SPEF2: variants seen among roughly 807,000 people sequenced by gnomAD.
SPEF2 encodes sperm flagellar and cilia associated 2, also known as sperm flagella and cilia-associated protein 2.
A neutral mutation model predicts 224.6 loss-of-function variants in SPEF2; 187 were observed. The ratio of observed to expected loss-of-function variants is 0.83; its 90% CI spans 0.74 to 0.94. The LOEUF is 0.94. Among genes scored for constraint, SPEF2 ranks in the 40% least tolerant of loss-of-function variants. The pLI, the probability that SPEF2 is intolerant of heterozygous loss-of-function variation, is 0.00. For missense variants in SPEF2, 2,170 were observed against 2,135.6 expected (o/e 1.02, Z -0.32); for synonymous variants, 715 against 707.3 (o/e 1.01, Z -0.17).
At position 35,691,243 on chromosome 5, in the gene SPEF2, G is replaced by T. The variant is rs748289000; in HGVS notation, c.1731G>T (p.Arg577Ser). The T allele has an allele frequency of 1.9e-6, 3 of 1,613,512 alleles. No individual in the cohort carries two copies. In the Admixed American group the frequency reaches 5.0e-5, roughly 27 times the overall value. The change falls in exon 11 of 37, where the codon AGG becomes AGT. Residue 577 changes from arginine to serine, a missense_variant. Arg to Ser is a moderately radical substitution (Grantham distance 110). Transcript: ENST00000356031. ...TAAGTGGAAAAACTACCATTTTAAG[G>T]TCTCTACAAAAAGGTAGAATTTCTT... Reference protein sequence around the residue: ...KTLSGKTTILRSLQKDFPIQI... With the variant: ...KTLSGKTTILSSLQKDFPIQI...
chr5:35,807,744 G>A, intron 36 of SPEF2: 1 of 1,536,012 alleles, frequency 6.5e-7, no homozygotes, highest in Non-Finnish European at 8.7e-7. Context: ...ACAAACCCCA[G>A]AGAAACTGGA....
chr5:35,622,363 T>C (rs1743647502), intron 1 of SPEF2, among the ~76,000 whole-genome samples: 1 of 152,162 alleles, frequency 6.6e-6, no homozygotes, highest in Admixed American at 6.5e-5. Flanking sequence ...CATAGAGATA[T>C]AAAAAAATCC....
At chr5:35,728,715 G>A (rs888606411) in intron 21 of SPEF2, among the ~76,000 whole-genome samples, 21 of 152,182 alleles carry the variant, frequency 1.4e-4, no homozygotes, top group African/African-American at 4.6e-4. Context: ...TAGAGAGTAT[G>A]TAACAGATTC....
At chr5:35,796,995 T>C (rs567665804) in intron 33 of SPEF2, among the ~76,000 whole-genome samples, 1 of 152,340 alleles carries the variant, frequency 6.6e-6, no homozygotes, top group South Asian at 2.1e-4. Context: ...TGGAATGGTC[T>C]GTATATGCTT....
chr5:35,751,045 A>ATATATGTATACG (rs1749444978), intron 23 of SPEF2, among the ~76,000 whole-genome samples: 1 of 64,346 alleles, frequency 1.6e-5, no homozygotes, highest in Non-Finnish European at 3.1e-5. Flanking sequence ...ACACATATGT[A>ATATATGTATACG]TATATATATA....
At chr5:35,751,063 A>ACATACGTATATATATACG (rs1749485959) in intron 23 of SPEF2, among the ~76,000 whole-genome samples, 2 of 28,414 alleles carry the variant, frequency 7.0e-5, no homozygotes, top group South Asian at 4.5e-3. Context: ...ATACGTATAT[A>ACATACGTATATATATACG]TATGTATATA....
Position 35,667,200 on chromosome 5 carries a change from T to G in SPEF2, c.1296T>G (p.Ile432Met). 1 of 1,609,766 alleles carries G rather than the reference T, an allele frequency of 6.2e-7. No individual in the cohort carries two copies. The highest frequency in any genetic ancestry group is 8.5e-7 in the Non-Finnish European group (1 of 1,177,436). The change falls in exon 9 of 37, where the codon ATT becomes ATG. Residue 432 changes from isoleucine (I) to methionine (M), a missense_variant. By Grantham distance (10) the Ile-to-Met change is conservative (BLOSUM62 1). Coordinates refer to ENST00000356031, the MANE Select transcript of SPEF2 (RefSeq NM_024867.4). ...YEKHYSVCAE[I>M]LDQIVDLSTK... ...AGCATTATTCAGTATGTGCAGAAAT[T>G]TTGGATCAAATAGTTGATTTGTCCA... is the stretch of plus-strand genomic sequence containing the variant.
intron 34 of SPEF2, among the ~76,000 whole-genome samples, chr5:35,805,279 T>C (rs548005525): frequency 1.3e-5 from 2 of 152,270 alleles, no homozygotes; most frequent in East Asian, 3.9e-4. Flanking sequence ...AAAGTGACCA[T>C]ACAGAGCTAT....
chr5:35,639,692 G>C (rs1372978876), intron 2 of SPEF2, among the ~76,000 whole-genome samples: 2 of 150,342 alleles, frequency 1.3e-5, no homozygotes, highest in Non-Finnish European at 3.0e-5. Flanking sequence ...AAATAGTCAA[G>C]ACAATTTCTC....
Position 35,644,336 on chromosome 5 carries a change from A to T in SPEF2, c.415-19A>T, listed in dbSNP as rs1476156768. On this transcript the variant is annotated intron_variant, in intron 3 of 36. Transcript: ENST00000356031. ...CTTTATTCTCTAATAAAATCTTTTG[A>T]AATGCTTTTTTCATTTAGAGACTTA... is the stretch of plus-strand genomic sequence containing the variant. 6.7e-7 allele frequency: 1 copy of T among 1,486,370 alleles called. No individual in the cohort carries two copies. 92.1% of individuals were successfully genotyped at this position (1,486,370 alleles called of 1,614,324 possible).
intron 24 of SPEF2, among the ~76,000 whole-genome samples, chr5:35,759,242 G>A (rs1750891140): frequency 6.6e-6 from 1 of 152,004 alleles, no homozygotes; most frequent in South Asian, 2.1e-4. Flanking sequence ...TAGGACACAG[G>A]AATTGCTAAT....
chr5:35,795,883 A>G (rs1220053093), intron 33 of SPEF2, 88 bp downstream of exon 33: 16 of 1,120,626 alleles, frequency 1.4e-5, no homozygotes, highest in Non-Finnish European at 1.9e-5. Context: ...TTGGCTGTGG[A>G]CTGCACCCCT....
chr5:35,796,235 C>T (rs192553821), intron 33 of SPEF2, among the ~76,000 whole-genome samples: 150 of 152,318 alleles, frequency 9.8e-4, no homozygotes, highest in African/African-American at 3.5e-3. Flanking sequence ...GCTTGCTGCT[C>T]TCACTATTAT....
At chr5:35,640,907 C>G (rs981383695) in intron 2 of SPEF2, among the ~76,000 whole-genome samples, 2 of 152,052 alleles carry the variant, frequency 1.3e-5, no homozygotes, top group African/African-American at 4.8e-5. Flanking sequence ...TCCTGAGCGC[C>G]ACATCTTTTT....
At chr5:35,812,009 C>T (rs923085884) in intron 36 of SPEF2, among the ~76,000 whole-genome samples, 4 of 151,920 alleles carry the variant, frequency 2.6e-5, no homozygotes, top group African/African-American at 7.3e-5. Flanking sequence ...AGGATGGTCT[C>T]GATCCCCTGA....
chr5:35,669,312 T>A (rs138104411), intron 9 of SPEF2, among the ~76,000 whole-genome samples: 1 of 152,242 alleles, frequency 6.6e-6, no homozygotes, highest in Non-Finnish European at 1.5e-5. Flanking sequence ...GTCAGGACAT[T>A]TCACACATCT....
chr5:35,636,865 A>T (rs553176008), intron 2 of SPEF2, among the ~76,000 whole-genome samples: 3 of 151,596 alleles, frequency 2.0e-5, no homozygotes, highest in Non-Finnish European at 2.9e-5. Context: ...ATTCCCAGCT[A>T]CTCAGGAGGC....
At chr5:35,737,301 T>C (rs1359025061) in intron 21 of SPEF2, among the ~76,000 whole-genome samples, 2 of 152,088 alleles carry the variant, frequency 1.3e-5, no homozygotes, top group Non-Finnish European at 2.9e-5. Flanking sequence ...GCCATGTTGG[T>C]GTGCTGCACC....
intron 10 of SPEF2, chr5:35,675,484 G>T (rs1368420924): frequency 6.5e-6 from 1 of 154,162 alleles, no homozygotes; most frequent in Non-Finnish European, 1.4e-5. Context: ...TAAGGCTATG[G>T]CTTTTGTAGA....
Sources: gnomAD v4.1 joint callset for allele counts (sites outside exome capture counted in the v4.1 genomes callset) on GRCh38, gnomAD v4.1.1 for gene constraint, MANE v1.5 for transcripts, NCBI Gene and HGNC (gene_info 2026-07-23, HGNC 2026-07-21) for gene names.